Variants in CYP4F8 observed in about 807,000 individuals in gnomAD.
The protein encoded by CYP4F8 is cytochrome P450 family 4 subfamily F member 8.
In CYP4F8, 56 loss-of-function variants were observed where a neutral mutation model predicts 55.0. The observed-to-expected ratio is 1.02, with a 90% CI of 0.82 to 1.27. The LOEUF is 1.27. CYP4F8 is among the 50% of genes most tolerant of loss of function. CYP4F8 has a pLI of 0.00. For missense variants in CYP4F8, 680 were observed against 682.4 expected, an observed-to-expected ratio of 1.00 and a Z score of 0.04; for synonymous variants, 288 against 267.3, an observed-to-expected ratio of 1.08 and a Z score of -0.76.
intron 5 of CYP4F8, among the ~76,000 whole-genome samples, chr19:15,620,441 C>T (rs539998767): frequency 6.6e-6 from 1 of 152,206 alleles, no homozygotes; most frequent in African/African-American, 2.4e-5. Context: ...CTTTGTCTCC[C>T]AGGCTGGAGT....
At chr19:15,622,479 G>GGAGA (rs368022707) in intron 6 of CYP4F8, 139 bp downstream of exon 6, 5 of 1,218,352 alleles carry the variant, frequency 4.1e-6, no homozygotes, top group African/African-American at 3.2e-5. Context: ...AAGGAGAGAA[G>GGAGA]GAGAGAGAGA....
At chr19:15,623,015 G>A in intron 6 of CYP4F8, 90 bp from the exon 7 acceptor site, 1 of 1,446,296 alleles carries the variant, frequency 6.9e-7, no homozygotes, top group South Asian at 1.3e-5. Flanking sequence ...CTTTCTGCAT[G>A]GAATGTGGTC....
At chr19:15,617,391 C>T (rs535821535) in intron 2 of CYP4F8, among the ~76,000 whole-genome samples, 5 of 152,294 alleles carry the variant, frequency 3.3e-5, no homozygotes, top group East Asian at 1.9e-4. Context: ...GCTGTGCCAC[C>T]TCTAAAGCCT....
intron 2 of CYP4F8, among the ~76,000 whole-genome samples, chr19:15,617,422 T>C (rs886940395): frequency 2.6e-5 from 4 of 152,158 alleles, no homozygotes; most frequent in Non-Finnish European, 5.9e-5. Context: ...CTGCTGTGGC[T>C]CCTCCTGGGA....
Position 15,628,354 on chromosome 19 carries a change from C to T in CYP4F8, c.1168C>T (p.Arg390Trp), listed in dbSNP as rs1419560498. The change falls in exon 10 of 13, where the codon CGG becomes TGG. Residue 390 changes from arginine to tryptophan, a missense_variant. Physicochemically the swap from Arg to Trp is moderately radical, Grantham distance 101. Coordinates refer to ENST00000612078, the MANE Select transcript of CYP4F8 (RefSeq NM_007253.4). ...GACCATGTGCCTGAAGGAGAGCCTG[C>T]GGTTGCATCCCCCAATCCCTACATT... is the stretch of plus-strand genomic sequence containing the variant. ...FLTMCLKESL[R>W]LHPPIPTFAR... 7 of 1,614,054 alleles carry T rather than the reference C, an allele frequency of 4.3e-6. No individual in the cohort carries two copies. Among genetic ancestry groups the T allele is most frequent in the African/African-American group, 2.7e-5 (2 of 74,978 alleles).
Position 15,623,380 on chromosome 19 carries a change from G to A in CYP4F8, c.918+5G>A, listed in dbSNP as rs1972220724. 1.2e-6 allele frequency: 2 copies of A among 1,612,458 alleles called. No homozygotes were observed. The highest frequency in any genetic ancestry group is 1.7e-6 in the Non-Finnish European group (2 of 1,178,702). ...GATGTGCTCCTGCTGAGCGAGGTGG[G>A]CCTCTCTGGGATCTGAATTCAAGAG... On this transcript the variant is annotated splice_donor_5th_base_variant and intron_variant, in intron 7 of 12. Coordinates refer to ENST00000612078, the MANE Select transcript of CYP4F8 (RefSeq NM_007253.4).
At chr19:15,628,181 T>A in intron 9 of CYP4F8, 121 bp from the exon 10 acceptor site, 1 of 1,452,180 alleles carries the variant, frequency 6.9e-7, no homozygotes, top group Non-Finnish European at 9.3e-7. Flanking sequence ...CTTACATCTT[T>A]GTTGCTTCTG....
At chr19:15,621,290 C>T (rs1972190797) in intron 5 of CYP4F8, among the ~76,000 whole-genome samples, 1 of 152,162 alleles carries the variant, frequency 6.6e-6, no homozygotes, top group Admixed American at 6.5e-5. Flanking sequence ...GCTTGTAATC[C>T]CAGCACATTG....
intron 5 of CYP4F8, 88 bp downstream of exon 5, chr19:15,619,850 T>C: frequency 6.6e-7 from 1 of 1,524,692 alleles, no homozygotes. Context: ...CTCTCCTGGG[T>C]GGGTTTGGGG....
intron 7 of CYP4F8, 92 bp from the exon 8 acceptor site, chr19:15,623,607 G>C (rs753667054): frequency 8.5e-5 from 123 of 1,447,628 alleles, no homozygotes; most frequent in Non-Finnish European, 1.1e-4. Flanking sequence ...TGACAAGGGA[G>C]GGATCCTTCT....
chr19:15,624,417 T>C (rs548128761), intron 9 of CYP4F8, among the ~76,000 whole-genome samples: 4 of 152,308 alleles, frequency 2.6e-5, no homozygotes, highest in Admixed American at 2.6e-4. Flanking sequence ...GCTTGGAGAA[T>C]TAACGGCAAA....
Position 15,629,366 on chromosome 19 carries a change from A to G in CYP4F8, c.*8A>G. The G allele has an allele frequency of 6.3e-7, 1 of 1,596,974 alleles. No homozygotes were observed. The highest frequency in any genetic ancestry group is 8.5e-7 in the Non-Finnish European group (1 of 1,171,398). Reference sequence around the variant, plus strand: ...GTAGAACCCCTGGGCTGAGGCCTGCAGTGACCCACCCACCTACCTTTGCAT... The same window carrying G: ...GTAGAACCCCTGGGCTGAGGCCTGCGGTGACCCACCCACCTACCTTTGCAT... On this transcript the variant is annotated 3_prime_UTR_variant, in exon 13 of 13. Coordinates refer to ENST00000612078, the MANE Select transcript of CYP4F8 (RefSeq NM_007253.4).
chr19:15,622,200 T>C lies in CYP4F8; in HGVS notation c.526-19T>C. 3.7e-6 allele frequency: 6 copies of C among 1,611,618 alleles called. No homozygotes were observed. Among genetic ancestry groups the C allele is most frequent in the Non-Finnish European group, 5.1e-6 (6 of 1,178,748 alleles). On this transcript the variant is annotated intron_variant, in intron 5 of 12. Transcript: ENST00000612078. ...AGGAGCCAAGGCCTGGCCCCAGCCCTGCTCCCTTCTCTGGCCAGGCCAAGT... is the reference window on the plus strand; with the variant it reads ...AGGAGCCAAGGCCTGGCCCCAGCCCCGCTCCCTTCTCTGGCCAGGCCAAGT...
chr19:15,623,104 G>A lies in CYP4F8; in HGVS notation c.648-1G>A, dbSNP rs562244283. The stretch of plus-strand genomic sequence containing the variant: ...TTCCTCTCTCTGGACTGGCCCTGCA[G>A]GAAGCCCAGTGAATATATTACTGCG... On this transcript the variant is annotated splice_acceptor_variant, in intron 6 of 12. Coordinates refer to ENST00000612078, the MANE Select transcript of CYP4F8 (RefSeq NM_007253.4). LOFTEE classifies it high-confidence loss of function. The A allele has an allele frequency of 6.2e-7, 1 of 1,612,330 alleles. No homozygotes were observed. Among genetic ancestry groups the A allele is most frequent in the Non-Finnish European group, 8.5e-7 (1 of 1,178,646 alleles).
At chr19:15,618,801 TCCACCATA>T in intron 3 of CYP4F8, 1 of 188,246 alleles carries the variant, frequency 5.3e-6, no homozygotes, top group Non-Finnish European at 1.1e-5. Flanking sequence ...CTGTGGCACT[TCCACCATA>T]TGTTCATTGC....
rs376400817 is a variant in CYP4F8 at position 15,618,061 on chromosome 19, G to T, written c.260G>T (p.Gly87Val). 9.4e-5 allele frequency: 152 copies of T among 1,614,122 alleles called. 1 individual carries two copies. The highest frequency in any genetic ancestry group is 1.2e-4 in the Non-Finnish European group (139 of 1,180,002). The change falls in exon 3 of 13, where the codon GGC (glycine) becomes GTC (valine). Residue 87 changes from glycine (G) to valine (V), a missense_variant. Transcript: ENST00000612078. ...CAGCTGGTGGCCACCTACCCCCAGGGCTTTGTGAGGTGGTTGGGCCCCATC... is the reference window on the plus strand; with the variant it reads ...CAGCTGGTGGCCACCTACCCCCAGGTCTTTGTGAGGTGGTTGGGCCCCATC... ...LTQLVATYPQ[G>V]FVRWLGPITP... is the part of the protein sequence containing the mutation.
At chr19:15,617,125 G>A (rs1486838207) in intron 2 of CYP4F8, among the ~76,000 whole-genome samples, 1 of 152,174 alleles carries the variant, frequency 6.6e-6, no homozygotes, top group Non-Finnish European at 1.5e-5. Context: ...CATGTCCTGA[G>A]GCCACATTGC....
At position 15,629,376 on chromosome 19, in the gene CYP4F8, CCACCTACCTTTGCAT is replaced by C. The variant is rs748224882; in HGVS notation, c.*33_*47del. The C allele has an allele frequency of 6.7e-5, 106 of 1,585,588 alleles. No individual in the cohort carries two copies. In the African/African-American group the frequency reaches 9.7e-4, roughly 15 times the overall value. On this transcript the variant is annotated 3_prime_UTR_variant, in exon 13 of 13. Coordinates refer to ENST00000612078, the MANE Select transcript of CYP4F8 (RefSeq NM_007253.4). ...TGGGCTGAGGCCTGCAGTGACCCAC[CCACCTACCTTTGCAT>C]CACCTACCTTTGCACCAACTACCTT...
chr19:15,619,430 A>G, intron 3 of CYP4F8, 60 bp from the exon 4 acceptor site: 3 of 1,602,550 alleles, frequency 1.9e-6, no homozygotes, highest in Non-Finnish European at 2.6e-6. Context: ...GCCACCCTCC[A>G]TACCCAAAGT....
Sources: allele counts gnomAD v4.1 joint callset (sites outside exome capture counted in the v4.1 genomes callset), GRCh38; gene constraint gnomAD v4.1.1; transcripts MANE v1.5; gene names NCBI Gene and HGNC (gene_info 2026-07-23, HGNC 2026-07-21).